Variants in NCKAP5 observed in about 807,000 individuals in gnomAD.
NCKAP5 encodes NCK associated protein 5, also known as nck-associated protein 5.
In NCKAP5, 92 loss-of-function variants were observed where a neutral mutation model predicts 167.0. That is an observed-to-expected ratio of 0.55 (90% CI 0.47 to 0.66). NCKAP5 has a LOEUF of 0.66. Among genes scored for constraint, NCKAP5 ranks in the 30% least tolerant of loss-of-function variants. The probability of loss-of-function intolerance (pLI) is 0.00; values close to 1 mark genes in which losing one functional copy is unlikely to be tolerated. For synonymous variants in NCKAP5, 891 were observed against 877.4 expected, an observed-to-expected ratio of 1.02 and a Z score of -0.27; for missense variants, 2,378 against 2,315.0, an observed-to-expected ratio of 1.03 and a Z score of -0.56.
At chr2:133,523,891 G>A (rs1684667791) in intron 2 of NCKAP5, among the ~76,000 whole-genome samples, 1 of 152,172 alleles carries the variant, frequency 6.6e-6, no homozygotes, top group South Asian at 2.1e-4. Context: ...TTTCACCCTG[G>A]TTGTACCTTA....
chr2:133,516,431 T>C (rs1214958492), intron 3 of NCKAP5, among the ~76,000 whole-genome samples: 1 of 152,100 alleles, frequency 6.6e-6, no homozygotes, highest in African/African-American at 2.4e-5. Flanking sequence ...ACAGACCAAA[T>C]AGACACAGAC....
the NCKAP5 span, among the ~76,000 whole-genome samples, chr2:133,610,357 C>A: frequency 6.6e-6 from 1 of 152,120 alleles, no homozygotes; most frequent in Non-Finnish European, 1.5e-5. Context: ...TGTTTGGTGG[C>A]AGTGTGTATT....
intron 7 of NCKAP5, among the ~76,000 whole-genome samples, chr2:132,985,027 G>C (rs558171900): frequency 4.6e-5 from 7 of 151,616 alleles, no homozygotes; most frequent in Admixed American, 2.6e-4. Flanking sequence ...AATAAAGGCT[G>C]GCTCTCTGCT....
chr2:133,016,338 CA>C (rs895830346), intron 6 of NCKAP5, among the ~76,000 whole-genome samples: 1 of 151,818 alleles, frequency 6.6e-6, no homozygotes, highest in Admixed American at 6.6e-5. Flanking sequence ...GACAGTGGCA[CA>C]AAAAAAGGTG....
the NCKAP5 span, among the ~76,000 whole-genome samples, chr2:133,614,951 TCA>T: frequency 2.6e-5 from 4 of 152,202 alleles, no homozygotes; most frequent in African/African-American, 7.2e-5. Flanking sequence ...AGCGGATCTC[TCA>T]GCAGAAACTC....
chr2:133,388,911 C>G (rs116665928), intron 3 of NCKAP5, among the ~76,000 whole-genome samples: 2,109 of 152,306 alleles, frequency 0.014, 47 homozygotes, highest in African/African-American at 0.048. Flanking sequence ...TGGGAGTGAC[C>G]TGATTTTCCA....
intron 3 of NCKAP5, among the ~76,000 whole-genome samples, chr2:133,377,776 G>T (rs1468492747): frequency 6.6e-6 from 1 of 152,158 alleles, no homozygotes; most frequent in Admixed American, 6.5e-5. Flanking sequence ...TGAGGTAGGG[G>T]ACTCAGAAGA....
At chr2:133,642,456 T>G in the NCKAP5 span, among the ~76,000 whole-genome samples, 1 of 152,194 alleles carries the variant, frequency 6.6e-6, no homozygotes, top group African/African-American at 2.4e-5. Flanking sequence ...AATTTGGCAG[T>G]CTCTACCTGT....
At position 132,796,718 on chromosome 2, in the gene NCKAP5, T is replaced by A; in HGVS notation, c.819A>T (p.Ser273=). Reference sequence around the variant, plus strand: ...CTCCAGATGAAAGATCCAAGAGACGTGAGTGAAGTTTCTAGGTAAAACCAA... The same window carrying A: ...CTCCAGATGAAAGATCCAAGAGACGAGAGTGAAGTTTCTAGGTAAAACCAA... ...TSDLLLQKLH[S]RLLDLSSGDL... The change falls in exon 12 of 20, where the codon TCA becomes TCT. Residue 273 remains serine (S), a synonymous_variant. Coordinates refer to ENST00000409261, the MANE Select transcript of NCKAP5 (RefSeq NM_207363.3). 6.2e-7 allele frequency: 1 copy of A among 1,610,680 alleles called. No homozygotes were observed. Among genetic ancestry groups the A allele is most frequent in the African/African-American group, 1.3e-5 (1 of 74,938 alleles).
chr2:133,539,083 G>A (rs1432112058), intron 2 of NCKAP5, among the ~76,000 whole-genome samples: 1 of 151,834 alleles, frequency 6.6e-6, no homozygotes, highest in African/African-American at 2.4e-5. Flanking sequence ...TGGGACTACA[G>A]GCGCCAGCCA....
chr2:132,746,122 A>T (rs1679621516), intron 16 of NCKAP5, among the ~76,000 whole-genome samples: 1 of 152,042 alleles, frequency 6.6e-6, no homozygotes, highest in Non-Finnish European at 1.5e-5. Flanking sequence ...TCATAAAGTA[A>T]AACAAGGTCA....
intron 6 of NCKAP5, among the ~76,000 whole-genome samples, chr2:133,060,812 G>A (rs986224850): frequency 6.6e-6 from 1 of 152,052 alleles, no homozygotes; most frequent in Non-Finnish European, 1.5e-5. Context: ...CAGCATATTG[G>A]GCAGCCTTCT....
chr2:133,094,398 T>G (rs543993283), intron 6 of NCKAP5, among the ~76,000 whole-genome samples: 1 of 152,302 alleles, frequency 6.6e-6, no homozygotes, highest in East Asian at 1.9e-4. Context: ...AAAATTCCTT[T>G]GTTAAATAAT....
intron 3 of NCKAP5, among the ~76,000 whole-genome samples, chr2:133,373,269 G>A (rs1685920407): frequency 6.6e-6 from 1 of 151,982 alleles, no homozygotes; most frequent in Admixed American, 6.6e-5. Flanking sequence ...ATGTTGGTCA[G>A]GCTGGTCTTG....
chr2:132,941,287 C>T (rs1574709317), intron 8 of NCKAP5, among the ~76,000 whole-genome samples: 1 of 152,260 alleles, frequency 6.6e-6, no homozygotes, highest in Admixed American at 6.5e-5. Flanking sequence ...CATTCCAGCA[C>T]TATCAGCATC....
At chr2:133,510,795 G>C (rs552100867) in intron 3 of NCKAP5, among the ~76,000 whole-genome samples, 2 of 152,314 alleles carry the variant, frequency 1.3e-5, no homozygotes, top group East Asian at 3.9e-4. Flanking sequence ...GATAGCCCCA[G>C]ACCTAAAGTG....
chr2:132,712,098 G>T (rs751149181), intron 19 of NCKAP5, among the ~76,000 whole-genome samples: 6 of 152,148 alleles, frequency 3.9e-5, no homozygotes, highest in Non-Finnish European at 8.8e-5. Context: ...CCCACTGCCA[G>T]TTGGTACCAC....
the NCKAP5 span, among the ~76,000 whole-genome samples, chr2:133,602,094 G>C: frequency 6.6e-6 from 1 of 152,208 alleles, no homozygotes; most frequent in Non-Finnish European, 1.5e-5. Flanking sequence ...AGCTGTTGTA[G>C]AATGACCTAG....
intron 3 of NCKAP5, among the ~76,000 whole-genome samples, chr2:133,494,690 A>G (rs576433647): frequency 3.8e-4 from 58 of 152,280 alleles, no homozygotes; most frequent in African/African-American, 1.4e-3. Context: ...TAAAGCAGGG[A>G]TGTTAAGACT....
Sources: allele counts gnomAD v4.1 joint callset (sites outside exome capture counted in the v4.1 genomes callset), GRCh38; gene constraint gnomAD v4.1.1; transcripts MANE v1.5; gene names NCBI Gene and HGNC (gene_info 2026-07-23, HGNC 2026-07-21).